The following BRIP1 variants were observed in gnomAD, a reference collection of about 807,000 sequenced individuals.
BRIP1 encodes BRCA1 interacting DNA helicase 1, also known as Fanconi anemia group J protein.
In BRIP1, 88 loss-of-function variants were observed where a neutral mutation model predicts 119.7. The ratio of observed to expected loss-of-function variants is 0.74; its 90% CI spans 0.62 to 0.88. BRIP1 has a LOEUF of 0.88. Ranked by LOEUF, BRIP1 falls within the 40% of genes least tolerant of loss-of-function variation. The pLI is 0.00. For synonymous variants in BRIP1, 443 were observed against 496.5 expected (o/e 0.89, Z 1.43); for missense variants, 1,259 against 1,455.4 (o/e 0.87, Z 2.20).
intron 6 of BRIP1, among the ~76,000 whole-genome samples, chr17:61,835,086 A>C (rs2078551763): frequency 6.6e-6 from 1 of 152,250 alleles, no homozygotes; most frequent in Admixed American, 6.5e-5. Flanking sequence ...TAATAATTTA[A>C]GTACACATTT....
In BRIP1 at chr17:61,762,526, G is replaced by A. The variant is rs1470957231; in HGVS notation, c.2097+13875C>T. Among the ~76,000 whole-genome samples, 3 of 152,060 alleles carry A rather than the reference G, an allele frequency of 2.0e-5. No individual in the cohort carries two copies. The highest frequency in any genetic ancestry group is 1.3e-4 in the Admixed American group (2 of 15,244). ...TATAAGAAACTCAAACAACTCATTA[G>A]CAAGAACACAAATAACTCAATTTAA... is the stretch of plus-strand genomic sequence containing the variant. On this transcript the variant is annotated intron_variant, in intron 14 of 19. Transcript: ENST00000259008. The surrounding 1 kb of genome is among the most constrained non-coding windows in gnomAD (Gnocchi z 4.3).
At position 61,843,397 on chromosome 17, in the gene BRIP1, A is replaced by G. The variant is rs1467219128; in HGVS notation, c.627+3704T>C. On this transcript the variant is annotated intron_variant, in intron 6 of 19. Coordinates refer to ENST00000259008, the MANE Select transcript of BRIP1 (RefSeq NM_032043.3). The surrounding 1 kb of genome is among the most constrained non-coding windows in gnomAD (Gnocchi z 5.7). ...CAACACACACACACACACAAAAGGT[A>G]ACTATGTAAGGAGATGAATATATTA... Among the ~76,000 whole-genome samples, 1 of 152,098 alleles carries G rather than the reference A, an allele frequency of 6.6e-6. No homozygotes were observed. The highest frequency in any genetic ancestry group is 1.5e-5 in the Non-Finnish European group (1 of 68,022).
rs1290509974 is a variant in BRIP1 at position 61,755,013 on chromosome 17, C to T, written c.2098-10422G>A. Among the ~76,000 whole-genome samples the T allele has an allele frequency of 6.6e-6, 1 of 152,122 alleles. No homozygotes were observed. The highest frequency in any genetic ancestry group is 6.5e-5 in the Admixed American group (1 of 15,268). ...ATAATATCATCTAACATATTAGTAG[C>T]TTTCTGTGTCTCTCATTTATTTTCT... On this transcript the variant is annotated intron_variant, in intron 14 of 19. Coordinates refer to ENST00000259008, the MANE Select transcript of BRIP1 (RefSeq NM_032043.3). This position sits in a 1 kb window ranked among gnomAD's most constrained non-coding sequence, Gnocchi z 4.5.
chr17:61,777,655 G>A (rs1038946046), intron 13 of BRIP1, among the ~76,000 whole-genome samples: 1 of 152,090 alleles, frequency 6.6e-6, no homozygotes, highest in Non-Finnish European at 1.5e-5. Flanking sequence ...ATATTACAAA[G>A]GATACAGATA....
chr17:61,698,085 C>T (rs537857196), intron 17 of BRIP1, among the ~76,000 whole-genome samples: 3 of 152,194 alleles, frequency 2.0e-5, no homozygotes, highest in Non-Finnish European at 4.4e-5. Flanking sequence ...GGATTACACA[C>T]GTGAGCCACC....
Position 61,844,843 on chromosome 17 carries a change from T to C in BRIP1, c.627+2258A>G, listed in dbSNP as rs1391970339. On this transcript the variant is annotated intron_variant, in intron 6 of 19. Transcript: ENST00000259008. This position sits in a 1 kb window ranked among gnomAD's most constrained non-coding sequence, Gnocchi z 4.7. Reference sequence around the variant, plus strand: ...TCTACTATTTACTAGCTTTGTGATCTTAGGCCAGTTTCTTCCTTCTCAGAG... The same window carrying C: ...TCTACTATTTACTAGCTTTGTGATCCTAGGCCAGTTTCTTCCTTCTCAGAG... 6.6e-6 allele frequency among the ~76,000 whole-genome samples: 1 copy of C among 152,268 alleles called. No individual in the cohort carries two copies. Among genetic ancestry groups the C allele is most frequent in the Non-Finnish European group, 1.5e-5 (1 of 68,044 alleles).
Position 61,693,324 on chromosome 17 carries a change from A to G in BRIP1, c.2575+106T>C. 1.0e-6 allele frequency: 1 copy of G among 995,258 alleles called. No individual in the cohort carries two copies. The highest frequency in any genetic ancestry group is 1.6e-6 in the Non-Finnish European group (1 of 625,204). 61.7% of individuals were successfully genotyped at this position (995,258 alleles called of 1,614,324 possible). On this transcript the variant is annotated intron_variant, in intron 18 of 19. Transcript: ENST00000259008. This position sits in a 1 kb window ranked among gnomAD's most constrained non-coding sequence, Gnocchi z 4.2. ...CTGTGCTTATAGTTAACAATATTGTACTGTGCACTTAATAAGATAGTAGAG... is the reference window on the plus strand; with the variant it reads ...CTGTGCTTATAGTTAACAATATTGTGCTGTGCACTTAATAAGATAGTAGAG...
Position 61,845,407 on chromosome 17 carries a change from G to C in BRIP1, c.627+1694C>G, listed in dbSNP as rs1006906345. Among the ~76,000 whole-genome samples, 1 of 152,160 alleles carries C rather than the reference G, an allele frequency of 6.6e-6. No homozygotes were observed. The highest frequency in any genetic ancestry group is 2.4e-5 in the African/African-American group (1 of 41,434). ...GCACTGGTCATTTAAATAATATTTA[G>C]TTCGCTGAGTTTAAGTTCATTGAGT... On this transcript the variant is annotated intron_variant, in intron 6 of 19. Transcript: ENST00000259008. The surrounding 1 kb of genome is among the most constrained non-coding windows in gnomAD (Gnocchi z 4.2).
rs1330549667 is a variant in BRIP1 at position 61,680,349 on chromosome 17, A to AAAAC, written c.*2943_*2946dup. ...CCTGAGCGACAGAGCAAGACTGTCT[A>AAAAC]AAACAAACAAACAAAAACATATCTA... On this transcript the variant is annotated 3_prime_UTR_variant, in exon 20 of 20. Coordinates refer to ENST00000259008, the MANE Select transcript of BRIP1 (RefSeq NM_032043.3). Among the ~76,000 whole-genome samples, 1 of 151,966 alleles carries AAAAC rather than the reference A, an allele frequency of 6.6e-6. No homozygotes were observed.
chr17:61,740,630 T>C lies in BRIP1; in HGVS notation c.2379+2383A>G, dbSNP rs117783391. ...GACCACCCCAATAAGGAGAATATCA[T>C]AACAAAGTAAGTCACATGAATTTTT... is the stretch of plus-strand genomic sequence containing the variant. On this transcript the variant is annotated intron_variant, in intron 16 of 19. Transcript: ENST00000259008. The surrounding 1 kb of genome is among the most constrained non-coding windows in gnomAD (Gnocchi z 5.4). Among the ~76,000 whole-genome samples, 1,596 of 152,302 alleles carry C rather than the reference T, an allele frequency of 0.01. 11 individuals are homozygous for C. Among genetic ancestry groups the C allele is most frequent in the Non-Finnish European group, 0.016 (1,071 of 68,016 alleles).
At position 61,799,386 on chromosome 17, in the gene BRIP1, C is replaced by T; in HGVS notation, c.1141-87G>A. 7 of 1,052,608 alleles carry T rather than the reference C, an allele frequency of 6.7e-6. No individual in the cohort carries two copies. The highest frequency in any genetic ancestry group is 9.8e-6 in the Non-Finnish European group (7 of 710,784). The allele number at this position is 1,052,608 out of a possible 1,614,324, so 65.2% of individuals were successfully genotyped here. On this transcript the variant is annotated intron_variant, in intron 8 of 19. Transcript: ENST00000259008. This position sits in a 1 kb window ranked among gnomAD's most constrained non-coding sequence, Gnocchi z 5.1. ...AAGATATTTCATTTTAAAATTCACA[C>T]TATAGGCCAATATTGCAAATGCAAT...
chr17:61,693,612 G>C lies in BRIP1; in HGVS notation c.2493-100C>G, dbSNP rs2061481009. The C allele has an allele frequency of 1.0e-6, 1 of 967,974 alleles. No individual in the cohort carries two copies. Among genetic ancestry groups the C allele is most frequent in the Non-Finnish European group, 1.6e-6 (1 of 611,496 alleles). 60.0% of individuals were successfully genotyped at this position (967,974 alleles called of 1,614,324 possible). On this transcript the variant is annotated intron_variant, in intron 17 of 19. Transcript: ENST00000259008. This position sits in a 1 kb window ranked among gnomAD's most constrained non-coding sequence, Gnocchi z 4.2. The stretch of plus-strand genomic sequence containing the variant: ...AAATTGGAAAAAAATCAATTTTATA[G>C]ATTCCTTTAAACAATTTGTTATTAT...
In BRIP1 at chr17:61,760,426, A is replaced by C. The variant is rs2077261831; in HGVS notation, c.2098-15835T>G. ...AGCCCAAAATTAACAGAAGGAAAGA[A>C]GTAATAAAGATCAGAGAATAAATAA... On this transcript the variant is annotated intron_variant, in intron 14 of 19. Transcript: ENST00000259008. The surrounding 1 kb of genome is among the most constrained non-coding windows in gnomAD (Gnocchi z 4.6). Among the ~76,000 whole-genome samples the C allele has an allele frequency of 1.3e-5, 2 of 151,974 alleles. No individual in the cohort carries two copies. The highest frequency in any genetic ancestry group is 2.9e-5 in the Non-Finnish European group (2 of 67,902).
chr17:61,797,153 C>T (rs992426102), intron 9 of BRIP1, among the ~76,000 whole-genome samples: 5 of 151,802 alleles, frequency 3.3e-5, no homozygotes, highest in Non-Finnish European at 7.4e-5. Context: ...TCAGGCCTCA[C>T]CAGTACTGAA....
At chr17:61,721,368 C>T (rs1485170933) in intron 16 of BRIP1, among the ~76,000 whole-genome samples, 1 of 145,798 alleles carries the variant, frequency 6.9e-6, no homozygotes. Flanking sequence ...CTCCCAAGTT[C>T]AAGAGATTCT....
In BRIP1 at chr17:61,785,402, A is replaced by T. The variant is rs763419034; in HGVS notation, c.1474-978T>A. Among the ~76,000 whole-genome samples the T allele has an allele frequency of 1.3e-4, 20 of 152,226 alleles. 1 individual carries two copies. Among genetic ancestry groups the T allele is most frequent in the Admixed American group, 1.1e-3 (17 of 15,280 alleles). ...CACATTGTAAAAGAGAAAATTCTGA[A>T]TACTGAAGCAATAAAAGATATTGGT... On this transcript the variant is annotated intron_variant, in intron 10 of 19. Transcript: ENST00000259008.
At position 61,778,769 on chromosome 17, in the gene BRIP1, C is replaced by G. The variant is rs1205377374; in HGVS notation, c.1935+1492G>C. Reference sequence around the variant, plus strand: ...TGCTGTTCATAGTCACATTTCTCAGCAGGAACACTCTGGCATTTGGAAAGC... The same window carrying G: ...TGCTGTTCATAGTCACATTTCTCAGGAGGAACACTCTGGCATTTGGAAAGC... On this transcript the variant is annotated intron_variant, in intron 13 of 19. Transcript: ENST00000259008. The surrounding 1 kb of genome is among the most constrained non-coding windows in gnomAD (Gnocchi z 4.4). Among the ~76,000 whole-genome samples, 3 of 152,172 alleles carry G rather than the reference C, an allele frequency of 2.0e-5. No homozygotes were observed. The highest frequency in any genetic ancestry group is 7.2e-5 in the African/African-American group (3 of 41,450).
chr17:61,812,628 G>C (rs2078179844), intron 6 of BRIP1, among the ~76,000 whole-genome samples: 1 of 151,114 alleles, frequency 6.6e-6, no homozygotes, highest in Non-Finnish European at 1.5e-5. Flanking sequence ...GGAGATACAT[G>C]TGGATGTGAC....
chr17:61,841,913 C>A lies in BRIP1; in HGVS notation c.627+5188G>T, dbSNP rs1045376723. ...CCGGGGCTGGTCTCAAACTCCTGGCCTGAGTGATTCTCCTACCTGAGCCTT... is the reference window on the plus strand; with the variant it reads ...CCGGGGCTGGTCTCAAACTCCTGGCATGAGTGATTCTCCTACCTGAGCCTT... On this transcript the variant is annotated intron_variant, in intron 6 of 19. Coordinates refer to ENST00000259008, the MANE Select transcript of BRIP1 (RefSeq NM_032043.3). This position sits in a 1 kb window ranked among gnomAD's most constrained non-coding sequence, Gnocchi z 4.1. Among the ~76,000 whole-genome samples the A allele has an allele frequency of 6.6e-6, 1 of 152,068 alleles. No individual in the cohort carries two copies. The highest frequency in any genetic ancestry group is 1.5e-5 in the Non-Finnish European group (1 of 68,022).
Sources: gnomAD v4.1 joint callset for allele counts (sites outside exome capture counted in the v4.1 genomes callset) on GRCh38, gnomAD v4.1.1 for gene constraint, Gnocchi (gnomAD v3.1) non-coding constraint, MANE v1.5 for transcripts, NCBI Gene and HGNC (gene_info 2026-07-23, HGNC 2026-07-21) for gene names.